FAM168A: variants seen among roughly 807,000 people sequenced by gnomAD.
The protein encoded by FAM168A is protein FAM168A.
A neutral mutation model predicts 28.5 loss-of-function variants in FAM168A; 3 were observed. The observed-to-expected ratio is 0.11, with a 90% CI of 0.05 to 0.27. The LOEUF is 0.27. Ranked by LOEUF, FAM168A falls within the 10% of genes least tolerant of loss-of-function variation. The pLI is 1.00. For missense variants in FAM168A, 222 were observed against 311.5 expected (o/e 0.71, Z 2.16); for synonymous variants, 122 against 124.2 (o/e 0.98, Z 0.12).
intron 2 of FAM168A, among the ~76,000 whole-genome samples, chr11:73,462,887 G>T (rs979428381): frequency 7.9e-5 from 12 of 151,272 alleles, no homozygotes; most frequent in African/African-American, 2.9e-4. Flanking sequence ...GAAGAGAGGA[G>T]AGGAGAAGAG....
At chr11:73,515,521 A>AG (rs1943290331) in intron 1 of FAM168A, among the ~76,000 whole-genome samples, 1 of 151,472 alleles carries the variant, frequency 6.6e-6, no homozygotes. Flanking sequence ...AAAAAAAAAA[A>AG]AAAAGAAAAG....
chr11:73,541,824 G>T (rs914264049), intron 1 of FAM168A, among the ~76,000 whole-genome samples: 2 of 152,120 alleles, frequency 1.3e-5, no homozygotes, highest in Non-Finnish European at 2.9e-5. Context: ...ATGATGATAG[G>T]AGAAAGTTTA....
Position 73,527,235 on chromosome 11 carries a change from G to A in FAM168A, c.-18-58743C>T, listed in dbSNP as rs142902235. ...AAAAGTTTGGAAGGAAACTCATGGG[G>A]AAACGACTCCATGGTTCCATCTAGA... is the stretch of plus-strand genomic sequence containing the variant. On this transcript the variant is annotated intron_variant, in intron 1 of 7. Coordinates refer to ENST00000356467, the MANE Select transcript of FAM168A (RefSeq NM_015159.3). Among the ~76,000 whole-genome samples the A allele has an allele frequency of 4.6e-5, 7 of 152,176 alleles. 1 individual carries two copies. In the East Asian group the frequency reaches 1.2e-3, roughly 25 times the overall value.
rs188961774 is a variant in FAM168A at position 73,445,857 on chromosome 11, T to C, written c.71-15087A>G. 2.7e-3 allele frequency among the ~76,000 whole-genome samples: 412 copies of C among 152,322 alleles called. 3 individuals are homozygous for C. Among genetic ancestry groups the C allele is most frequent in the African/African-American group, 9.5e-3 (395 of 41,570 alleles). ...TATCTCTGTTTCCTCATCTGCAAGA[T>C]AGTAACAACAGCTACTATTAAATGA... On this transcript the variant is annotated intron_variant, in intron 2 of 7. Coordinates refer to ENST00000356467, the MANE Select transcript of FAM168A (RefSeq NM_015159.3).
At chr11:73,454,559 C>T (rs1218678108) in intron 2 of FAM168A, among the ~76,000 whole-genome samples, 1 of 152,172 alleles carries the variant, frequency 6.6e-6, no homozygotes, top group Non-Finnish European at 1.5e-5. Context: ...CTGGCGAAAC[C>T]CCACCCTCAA....
At chr11:73,540,626 T>C (rs532617673) in intron 1 of FAM168A, among the ~76,000 whole-genome samples, 1 of 152,348 alleles carries the variant, frequency 6.6e-6, no homozygotes, top group African/African-American at 2.4e-5. Context: ...TTATATCTTC[T>C]CATGGCTTAC....
At chr11:73,585,263 TTAAG>T (rs1294675794) in intron 1 of FAM168A, among the ~76,000 whole-genome samples, 4 of 152,236 alleles carry the variant, frequency 2.6e-5, no homozygotes, top group Admixed American at 2.6e-4. Context: ...CTACCATTTG[TTAAG>T]TAATTAATAT....
chr11:73,523,382 T>C (rs1943409300), intron 1 of FAM168A, among the ~76,000 whole-genome samples: 3 of 151,926 alleles, frequency 2.0e-5, no homozygotes, highest in African/African-American at 2.4e-5. Context: ...AGGCTGGCCT[T>C]GAAGTTGGGC....
chr11:73,520,678 TG>T, intron 1 of FAM168A, among the ~76,000 whole-genome samples: 1 of 152,260 alleles, frequency 6.6e-6, no homozygotes, highest in Non-Finnish European at 1.5e-5. Flanking sequence ...AATCCTTGAA[TG>T]AAAAGGATAA....
At chr11:73,569,425 A>G (rs1022668050) in intron 1 of FAM168A, among the ~76,000 whole-genome samples, 1 of 152,222 alleles carries the variant, frequency 6.6e-6, no homozygotes, top group African/African-American at 2.4e-5. Flanking sequence ...TGGATTTGAG[A>G]AAGAAAGACG....
chr11:73,552,694 T>C (rs1406838680), intron 1 of FAM168A, among the ~76,000 whole-genome samples: 1 of 152,210 alleles, frequency 6.6e-6, no homozygotes, highest in Non-Finnish European at 1.5e-5. Context: ...TGGTGGCTCA[T>C]GCCTGTAATC....
chr11:73,443,535 G>A (rs1867243408), intron 2 of FAM168A, among the ~76,000 whole-genome samples: 1 of 152,184 alleles, frequency 6.6e-6, no homozygotes, highest in South Asian at 2.1e-4. Flanking sequence ...AAAGGTTGCT[G>A]CAACTCCAAG....
chr11:73,584,712 C>T (rs939431840), intron 1 of FAM168A, among the ~76,000 whole-genome samples: 4 of 151,218 alleles, frequency 2.6e-5, no homozygotes, highest in African/African-American at 2.4e-5. Flanking sequence ...CTCCTGACCT[C>T]GTGATCCGCC....
intron 1 of FAM168A, among the ~76,000 whole-genome samples, chr11:73,534,199 T>C (rs373277214): frequency 1.3e-5 from 2 of 151,998 alleles, no homozygotes; most frequent in African/African-American, 4.8e-5. Context: ...CAAAGAGAAA[T>C]GGAGACGAGC....
chr11:73,435,785 A>G (rs1393469197), intron 2 of FAM168A, among the ~76,000 whole-genome samples: 3 of 152,158 alleles, frequency 2.0e-5, no homozygotes, highest in Non-Finnish European at 4.4e-5. Context: ...GAGTTCTTGA[A>G]AAGACATACC....
Position 73,403,021 on chromosome 11 carries a change from AC to A in FAM168A, c.*3741del, listed in dbSNP as rs1565229235. The A allele has an allele frequency of 6.6e-6, 1 of 152,176 alleles. No individual in the cohort carries two copies. The highest frequency in any genetic ancestry group is 1.5e-5 in the Non-Finnish European group (1 of 68,022). 9.4% of individuals were successfully genotyped at this position (152,176 alleles called of 1,614,324 possible). ...TGAAGAATCACTTCCAAGCTGTGTG[AC>A]CTTTTAGCAAGTCTCAAGCCTCCTG... On this transcript the variant is annotated 3_prime_UTR_variant, in exon 8 of 8. Coordinates refer to ENST00000356467, the MANE Select transcript of FAM168A (RefSeq NM_015159.3).
intron 1 of FAM168A, among the ~76,000 whole-genome samples, chr11:73,495,948 G>A (rs1278642440): frequency 1.3e-5 from 2 of 152,162 alleles, no homozygotes; most frequent in Non-Finnish European, 1.5e-5. Context: ...ATTTAAAACA[G>A]GATCTCAAAG....
intron 1 of FAM168A, among the ~76,000 whole-genome samples, chr11:73,533,507 C>A (rs3108790): frequency 1 from 152,198 of 152,200 alleles, 76,098 homozygotes; most frequent in Middle Eastern, 1. Context: ...GAAAAGTGAC[C>A]AAGTAAGAAA....
intron 2 of FAM168A, chr11:73,452,020 C>A (rs1463065280): frequency 6.6e-6 from 1 of 152,194 alleles, no homozygotes; most frequent in African/African-American, 2.4e-5. Flanking sequence ...TAAGAGAAAC[C>A]TTGCAGCACA....
Sources: allele counts gnomAD v4.1 joint callset (sites outside exome capture counted in the v4.1 genomes callset), GRCh38; gene constraint gnomAD v4.1.1; transcripts MANE v1.5; gene names NCBI Gene and HGNC (gene_info 2026-07-23, HGNC 2026-07-21).